Variants in ENTPD1 observed in about 807,000 individuals in gnomAD.
ENTPD1 encodes ectonucleoside triphosphate diphosphohydrolase 1.
Under a neutral mutation model 57.0 loss-of-function variants are expected in ENTPD1, and 33 were observed. The observed-to-expected ratio is 0.58, with a 90% CI of 0.44 to 0.77. The LOEUF is 0.77. Ranked by LOEUF, ENTPD1 falls within the 30% of genes least tolerant of loss-of-function variation. The pLI, the probability that ENTPD1 is intolerant of heterozygous loss-of-function variation, is 0.00. For synonymous variants in ENTPD1, 202 were observed against 218.8 expected (o/e 0.92, Z 0.68); for missense variants, 501 against 603.4 (o/e 0.83, Z 1.78).
chr10:95,872,416 A>T lies in ENTPD1; in HGVS notation c.*6033A>T. 6 of 985,438 alleles carry T rather than the reference A, an allele frequency of 6.1e-6. No homozygotes were observed. The highest frequency in any genetic ancestry group is 7.2e-6 in the Non-Finnish European group (6 of 829,936). 61.0% of individuals were successfully genotyped at this position (985,438 alleles called of 1,614,324 possible). A position where few individuals can be genotyped will look rare whatever the true frequency, so the allele number is the denominator to read the frequency against. ...TACTACACTACAGCCAGGTAGAATG[A>T]CTGTTCACCCAACACCACTCAGGTT... On this transcript the variant is annotated 3_prime_UTR_variant, in exon 10 of 10. Coordinates refer to ENST00000371205, the MANE Select transcript of ENTPD1 (RefSeq NM_001776.6).
At chr10:95,824,757 G>C (rs978988246) in intron 2 of ENTPD1, among the ~76,000 whole-genome samples, 1 of 152,198 alleles carries the variant, frequency 6.6e-6, no homozygotes, top group South Asian at 2.1e-4. Flanking sequence ...GGTCATGGAC[G>C]ACCTTCCCTC....
chr10:95,847,668 A>C lies in ENTPD1; in HGVS notation c.1036A>C (p.Asn346His). 6.2e-7 allele frequency: 1 copy of C among 1,614,196 alleles called. No homozygotes were observed. The highest frequency in any genetic ancestry group is 8.5e-7 in the Non-Finnish European group (1 of 1,180,032). Residue 346 changes from asparagine to histidine, a missense_variant, in exon 7 of 10, where the codon AAT becomes CAT. By Grantham distance (68) the Asn-to-His change is moderately conservative. Coordinates refer to ENST00000371205, the MANE Select transcript of ENTPD1 (RefSeq NM_001776.6). ...SYCPYSQCAF[N>H]GIFLPPLQGD... is the part of the protein sequence containing the mutation. ...CTGCCCTTACTCCCAGTGTGCCTTCAATGGGATTTTCTTGCCACCACTCCA... is the reference window on the plus strand; with the variant it reads ...CTGCCCTTACTCCCAGTGTGCCTTCCATGGGATTTTCTTGCCACCACTCCA...
At chr10:95,866,056 T>C in intron 9 of ENTPD1, 121 bp from the exon 10 acceptor site, 1 of 1,370,934 alleles carries the variant, frequency 7.3e-7, no homozygotes. Context: ...TGAGCCACTG[T>C]GCCCAGCCAG....
At chr10:95,853,550 A>G (rs1438607990) in intron 7 of ENTPD1, among the ~76,000 whole-genome samples, 3 of 152,168 alleles carry the variant, frequency 2.0e-5, no homozygotes, top group Non-Finnish European at 1.5e-5. Context: ...CCCATTCAGT[A>G]TGATATTGGC....
chr10:95,845,335 T>A, intron 5 of ENTPD1, 22 bp from the exon 6 acceptor site: 1 of 1,614,130 alleles, frequency 6.2e-7, no homozygotes, highest in Non-Finnish European at 8.5e-7. Flanking sequence ...CTTCTAGCAC[T>A]GGTAACTGTA....
intron 1 of ENTPD1, among the ~76,000 whole-genome samples, chr10:95,743,555 C>T (rs1198941223): frequency 6.6e-6 from 1 of 151,926 alleles, no homozygotes; most frequent in Admixed American, 6.6e-5. Context: ...CTATTCTCTC[C>T]CATTTGTTTA....
chr10:95,849,070 T>C (rs889556361), intron 7 of ENTPD1, among the ~76,000 whole-genome samples: 5 of 152,262 alleles, frequency 3.3e-5, no homozygotes, highest in Middle Eastern at 3.4e-3. Context: ...CAAAGAAACA[T>C]TGAAGATAAC....
intron 7 of ENTPD1, among the ~76,000 whole-genome samples, chr10:95,856,653 T>TGC (rs1403251241): frequency 2.8e-5 from 4 of 141,010 alleles, no homozygotes; most frequent in Non-Finnish European, 6.2e-5. Context: ...TATGTATGCA[T>TGC]ATATATATAT....
Position 95,876,597 on chromosome 10 carries a change from ACT to A in ENTPD1, c.*10217_*10218del, listed in dbSNP as rs944619978. 6.5e-6 allele frequency: 8 copies of A among 1,230,196 alleles called. No individual in the cohort carries two copies. Among genetic ancestry groups the A allele is most frequent in the Non-Finnish European group, 8.1e-6 (8 of 987,306 alleles). The allele number at this position is 1,230,196 out of a possible 1,614,324, so 76.2% of individuals were successfully genotyped here. A position where few individuals can be genotyped will look rare whatever the true frequency, so the allele number is the denominator to read the frequency against. On this transcript the variant is annotated 3_prime_UTR_variant, in exon 10 of 10. Transcript: ENST00000371205. ...TACATGGAGAATACAGGATGAATCC[ACT>A]CTGTCTCCTGCAGTGAAGTCTGTTT...
intron 1 of ENTPD1, among the ~76,000 whole-genome samples, chr10:95,733,097 C>T (rs1023297086): frequency 6.6e-6 from 1 of 152,178 alleles, no homozygotes; most frequent in African/African-American, 2.4e-5. Context: ...CTTATTTCAT[C>T]CCTTATCTTC....
At chr10:95,855,985 C>T (rs1171693942) in intron 7 of ENTPD1, among the ~76,000 whole-genome samples, 2 of 152,148 alleles carry the variant, frequency 1.3e-5, no homozygotes, top group Non-Finnish European at 2.9e-5. Context: ...TGTTGGCTTG[C>T]CTTGCTAGAT....
intron 2 of ENTPD1, among the ~76,000 whole-genome samples, chr10:95,823,851 A>G (rs2098363260): frequency 6.6e-6 from 1 of 152,224 alleles, no homozygotes; most frequent in Non-Finnish European, 1.5e-5. Flanking sequence ...TCTTATCTCC[A>G]GATATAGTAA....
intron 1 of ENTPD1, among the ~76,000 whole-genome samples, chr10:95,733,773 A>G (rs781213376): frequency 6.6e-6 from 1 of 152,186 alleles, no homozygotes; most frequent in South Asian, 2.1e-4. Context: ...AAATGATAAC[A>G]TAAGTGTGAG....
chr10:95,699,251 G>A, the ENTPD1 span, among the ~76,000 whole-genome samples: 4 of 152,232 alleles, frequency 2.6e-5, no homozygotes, highest in African/African-American at 9.6e-5. Context: ...TTTATAGAGA[G>A]ACATGAGAAT....
intron 2 of ENTPD1, among the ~76,000 whole-genome samples, chr10:95,826,481 G>A (rs775214228): frequency 2.2e-4 from 33 of 150,664 alleles, no homozygotes; most frequent in African/African-American, 7.3e-4. Context: ...GCTGAGGTGC[G>A]AGAATCACTT....
chr10:95,709,047 T>C (rs1043240443), upstream of ENTPD1, among the ~76,000 whole-genome samples: 2 of 152,196 alleles, frequency 1.3e-5, no homozygotes, highest in African/African-American at 2.4e-5. Context: ...AAATTTTCTA[T>C]TTCATGATAG....
In ENTPD1 at chr10:95,876,299, A is replaced by C. The variant is rs769231198; in HGVS notation, c.*9916A>C. 7.2e-5 allele frequency: 71 copies of C among 983,070 alleles called. No homozygotes were observed. The highest frequency in any genetic ancestry group is 8.2e-5 in the Non-Finnish European group (68 of 827,860). 60.9% of individuals were successfully genotyped at this position (983,070 alleles called of 1,614,324 possible). A position where few individuals can be genotyped will look rare whatever the true frequency, so the allele number is the denominator to read the frequency against. Reference sequence around the variant, plus strand: ...CATCCAACTTATTAATTATGAAATGACTTTTGGCCTAGTAACAATGAAAAT... The same window carrying C: ...CATCCAACTTATTAATTATGAAATGCCTTTTGGCCTAGTAACAATGAAAAT... On this transcript the variant is annotated 3_prime_UTR_variant, in exon 10 of 10. Transcript: ENST00000371205.
At chr10:95,839,375 A>C (rs2098417884) in intron 2 of ENTPD1, 1 of 378,178 alleles carries the variant, frequency 2.6e-6, no homozygotes, top group Non-Finnish European at 5.0e-6. Flanking sequence ...TGTCTCAGCT[A>C]CTTCAGCATG....
chr10:95,860,158 T>C (rs954515660), intron 7 of ENTPD1, among the ~76,000 whole-genome samples: 4 of 152,366 alleles, frequency 2.6e-5, no homozygotes, highest in African/African-American at 9.6e-5. Flanking sequence ...GTACATAGTA[T>C]TTTTAAATGG....
Sources: gnomAD v4.1 joint callset for allele counts (sites outside exome capture counted in the v4.1 genomes callset) on GRCh38, gnomAD v4.1.1 for gene constraint, MANE v1.5 for transcripts, NCBI Gene and HGNC (gene_info 2026-07-23, HGNC 2026-07-21) for gene names.